Variants in FMO4 observed in about 807,000 individuals in gnomAD.
FMO4 encodes dimethylaniline monooxygenase [N-oxide-forming] 4.
In FMO4, 38 loss-of-function variants were observed where a neutral mutation model predicts 43.3. The ratio of observed to expected loss-of-function variants is 0.88; its 90% CI spans 0.68 to 1.15. FMO4 has a LOEUF of 1.15. Among genes scored for constraint, FMO4 ranks in the 50% most tolerant of loss-of-function variants. The pLI is 0.00. For missense variants in FMO4, 631 were observed against 663.3 expected (o/e 0.95, Z 0.54); for synonymous variants, 224 against 232.2 (o/e 0.96, Z 0.32).
At chr1:171,334,259 A>C (rs993603066) in intron 7 of FMO4, 152 bp from the exon 8 acceptor site, 1 of 596,756 alleles carries the variant, frequency 1.7e-6, no homozygotes, top group African/African-American at 1.9e-5. Flanking sequence ...TGTTATAAAC[A>C]TACTAAGTCA....
intron 9 of FMO4, among the ~76,000 whole-genome samples, chr1:171,338,964 C>T (rs975978146): frequency 6.6e-6 from 1 of 152,108 alleles, no homozygotes; most frequent in Admixed American, 6.6e-5. Flanking sequence ...ATTGGGACAT[C>T]ATGAAAGTTT....
rs560646416 is a variant in FMO4, at chr1:171,324,184, G to A, written c.368G>A (p.Gly123Asp). 5 of 1,613,766 alleles carry A rather than the reference G, an allele frequency of 3.1e-6. No homozygotes were observed. In the South Asian group the frequency reaches 5.5e-5, roughly 18 times the overall value. The change falls in exon 5 of 10, where the codon GGT becomes GAT. Residue 123 changes from glycine (G) to aspartate (D), a missense_variant. Transcript: ENST00000367749. Reference protein sequence around the residue: ...ITKRPDFSETGQWDVVTETEG... With the variant: ...ITKRPDFSETDQWDVVTETEG... ...AAGCGTCCAGACTTCTCCGAAACTG[G>A]TCAGTGGGATGTTGTCACAGAGACA...
In FMO4 at chr1:171,337,333, GTTGT is replaced by G. The variant is rs1663162650; in HGVS notation, c.1181-18_1181-15del. ...AGGAAAAGCCACATGTGACTTTAGT[GTTGT>G]TTGTGATTTTTCCCACAGGACTCTG... On this transcript the variant is annotated intron_variant, in intron 8 of 9. Coordinates refer to ENST00000367749, the MANE Select transcript of FMO4 (RefSeq NM_002022.3). 1.9e-6 allele frequency: 3 copies of G among 1,554,788 alleles called. No homozygotes were observed. Among genetic ancestry groups the G allele is most frequent in the Non-Finnish European group, 2.7e-6 (3 of 1,126,214 alleles).
intron 1 of FMO4, among the ~76,000 whole-genome samples, chr1:171,315,764 G>A (rs1307749353): frequency 6.6e-6 from 1 of 152,306 alleles, no homozygotes; most frequent in East Asian, 1.9e-4. Context: ...TCTACTGCCT[G>A]TAGAGTCTCT....
chr1:171,326,622 G>C (rs1208621438), intron 5 of FMO4, among the ~76,000 whole-genome samples: 1 of 152,196 alleles, frequency 6.6e-6, no homozygotes, highest in Non-Finnish European at 1.5e-5. Flanking sequence ...AAATAGCATT[G>C]ATTAGTCATT....
chr1:171,326,885 C>T (rs955889531), intron 5 of FMO4, among the ~76,000 whole-genome samples: 9 of 152,194 alleles, frequency 5.9e-5, no homozygotes, highest in African/African-American at 2.2e-4. Flanking sequence ...TATAAATTGA[C>T]TTCTGCTGTT....
Position 171,332,925 on chromosome 1 carries a change from T to C in FMO4, c.827+17T>C. ...TACCAAAGGGTACTTACATTTTTTA[T>C]TTAGTAGAAAAAATATTAAATCAAT... On this transcript the variant is annotated intron_variant, in intron 7 of 9. Transcript: ENST00000367749. 1 of 1,060,312 alleles carries C rather than the reference T, an allele frequency of 9.4e-7. No individual in the cohort carries two copies. Among genetic ancestry groups the C allele is most frequent in the Non-Finnish European group, 1.5e-6 (1 of 687,206 alleles). The allele number at this position is 1,060,312 out of a possible 1,614,324, so 65.7% of individuals were successfully genotyped here.
intron 9 of FMO4, among the ~76,000 whole-genome samples, chr1:171,341,070 C>G (rs1192839191): frequency 2.0e-5 from 3 of 152,026 alleles, no homozygotes; most frequent in Non-Finnish European, 4.4e-5. Context: ...CATCTTTCCT[C>G]AAGTATCTTC....
At chr1:171,325,424 C>CAAGGAATTAAAAGAACTTTT (rs1463330561) in intron 5 of FMO4, among the ~76,000 whole-genome samples, 20 of 152,178 alleles carry the variant, frequency 1.3e-4, no homozygotes, top group Non-Finnish European at 2.6e-4. Context: ...GAAGTATCTT[C>CAAGGAATTAAAAGAACTTTT]AAGGAATTAA....
At chr1:171,332,667 A>G (rs751974734) in intron 6 of FMO4, 42 bp from the exon 7 acceptor site, 111 of 1,520,886 alleles carry the variant, frequency 7.3e-5, no homozygotes, top group Non-Finnish European at 9.2e-5. Context: ...CTACAAAATG[A>G]TGAACATTTA....
At chr1:171,325,480 C>T (rs1662619146) in intron 5 of FMO4, among the ~76,000 whole-genome samples, 1 of 151,996 alleles carries the variant, frequency 6.6e-6, no homozygotes. Flanking sequence ...AACATGCAAA[C>T]GTTGGCAAAA....
chr1:171,329,163 C>T lies in FMO4; in HGVS notation c.485-2477C>T, dbSNP rs891154749. Among the ~76,000 whole-genome samples, 23 of 152,088 alleles carry T rather than the reference C, an allele frequency of 1.5e-4. 1 individual carries two copies. Among genetic ancestry groups the T allele is most frequent in the Middle Eastern group, 6.8e-3 (2 of 294 alleles). On this transcript the variant is annotated intron_variant, in intron 5 of 9. Transcript: ENST00000367749. ...TGCAGAATTGGAGTTGGGGAAAGGT[C>T]AAGAGGGAAGAGAGAAGAAAAGTTC... is the stretch of plus-strand genomic sequence containing the variant.
chr1:171,334,621 A>G lies in FMO4; in HGVS notation c.1038A>G (p.Thr346=). The G allele has an allele frequency of 6.2e-7, 1 of 1,613,534 alleles. No individual in the cohort carries two copies. Among genetic ancestry groups the G allele is most frequent in the Non-Finnish European group, 8.5e-7 (1 of 1,179,468 alleles). The stretch of plus-strand genomic sequence containing the variant: ...AAGAACCTCTTAAAAGCCTCTGTAC[A>G]AAGAAGATATTTCTATACAAGCAAG... The part of the protein sequence containing the change: ...FFEEPLKSLC[T]KKIFLYKQVF... The change falls in exon 8 of 10, where the codon ACA becomes ACG. Residue 346 remains threonine (T), a synonymous_variant. Transcript: ENST00000367749.
At chr1:171,320,840 A>AAAAT (rs113716642) in intron 3 of FMO4, among the ~76,000 whole-genome samples, 2,975 of 152,180 alleles carry the variant, frequency 0.02, 108 homozygotes, top group African/African-American at 0.067. Context: ...ACAAACAAAA[A>AAAAT]AAATAAGATG....
chr1:171,334,937 T>C (rs114214598), intron 8 of FMO4, among the ~76,000 whole-genome samples, 174 bp downstream of exon 8: 539 of 152,344 alleles, frequency 3.5e-3, no homozygotes, highest in African/African-American at 0.012. Flanking sequence ...TGTGACTGAA[T>C]AGGAAAAGAG....
At chr1:171,322,870 AAG>A in intron 3 of FMO4, 132 bp from the exon 4 acceptor site, 1 of 649,818 alleles carries the variant, frequency 1.5e-6, no homozygotes. Flanking sequence ...CAATCAATAA[AAG>A]TAAATAAAAT....
At chr1:171,318,062 T>C (rs1662265579) in intron 2 of FMO4, among the ~76,000 whole-genome samples, 1 of 152,138 alleles carries the variant, frequency 6.6e-6, no homozygotes, top group African/African-American at 2.4e-5. Flanking sequence ...ACGTCTGTAA[T>C]CCCAGCACTT....
chr1:171,317,167 G>C (rs1662229763), intron 2 of FMO4, among the ~76,000 whole-genome samples: 1 of 152,164 alleles, frequency 6.6e-6, no homozygotes. Flanking sequence ...GTCTTAAGTT[G>C]TTTCAAATGA....
chr1:171,341,385 A>G (rs1280036734), intron 9 of FMO4, 28 bp from the exon 10 acceptor site: 2 of 1,576,446 alleles, frequency 1.3e-6, no homozygotes, highest in South Asian at 2.3e-5. Context: ...GTGATTAATG[A>G]AAGGTCCTCC....
Sources: allele counts gnomAD v4.1 joint callset (sites outside exome capture counted in the v4.1 genomes callset), GRCh38; gene constraint gnomAD v4.1.1; transcripts MANE v1.5; gene names NCBI Gene and HGNC (gene_info 2026-07-23, HGNC 2026-07-21).